The following MMS22L variants were observed in gnomAD, a reference collection of about 807,000 sequenced individuals.
MMS22L encodes MMS22 like, DNA repair protein.
Under a neutral mutation model 159.1 loss-of-function variants are expected in MMS22L, and 74 were observed. The observed-to-expected ratio is 0.47, with a 90% CI of 0.39 to 0.56. The LOEUF (loss-of-function observed/expected upper bound fraction) is 0.56, where lower values mean the gene tolerates loss of function less well. Among genes scored for constraint, MMS22L ranks in the 20% least tolerant of loss-of-function variants. The pLI is 0.00. For synonymous variants in MMS22L, 517 were observed against 506.9 expected (o/e 1.02, Z -0.27); for missense variants, 1,351 against 1,422.1 (o/e 0.95, Z 0.80).
At chr6:97,159,948 G>GTTTTTTTTTTTTTTTTT (rs368455553) in intron 22 of MMS22L, among the ~76,000 whole-genome samples, 1 of 97,178 alleles carries the variant, frequency 1.0e-5, no homozygotes, top group African/African-American at 4.0e-5. Context: ...TATCATTTCT[G>GTTTTTTTTTTTTTTTTT]TTTTTTTTTT....
chr6:97,229,356 A>G lies in MMS22L; in HGVS notation c.1577T>C (p.Val526Ala), dbSNP rs779730351. Residue 526 changes from valine to alanine, a missense_variant, in exon 14 of 25, where the codon GTT becomes GCT. Val to Ala is a moderately conservative substitution (Grantham distance 64). Coordinates refer to ENST00000683635, the MANE Select transcript of MMS22L (RefSeq NM_001350599.2). ...HQKRMEELTE[V>A]GLQNFFSLFL... ...AAGGCTAAAAAAGTTCTGTAGACCAACTTCAGTTAGTTCTTCCATTCTTTT... is the reference window on the plus strand; with the variant it reads ...AAGGCTAAAAAAGTTCTGTAGACCAGCTTCAGTTAGTTCTTCCATTCTTTT... 1.2e-6 allele frequency: 2 copies of G among 1,602,036 alleles called. No homozygotes were observed. Among genetic ancestry groups the G allele is most frequent in the South Asian group, 1.1e-5 (1 of 89,484 alleles).
At chr6:97,215,116 T>TATATATATA (rs1410024960) in intron 14 of MMS22L, among the ~76,000 whole-genome samples, 7 of 132,070 alleles carry the variant, frequency 5.3e-5, no homozygotes, top group African/African-American at 1.9e-4. Flanking sequence ...ATATATATAT[T>TATATATATA]TTTTTTTTGC....
chr6:97,221,031 A>G (rs1403674439), intron 14 of MMS22L, among the ~76,000 whole-genome samples: 2 of 151,920 alleles, frequency 1.3e-5, no homozygotes, highest in Non-Finnish European at 2.9e-5. Flanking sequence ...GGCATAAAGC[A>G]TAACGAAGAA....
chr6:97,210,261 A>G (rs1808235088), intron 14 of MMS22L, among the ~76,000 whole-genome samples: 1 of 151,970 alleles, frequency 6.6e-6, no homozygotes, highest in Non-Finnish European at 1.5e-5. Context: ...AAGGAGATAT[A>G]AAAAGTGCTT....
At chr6:97,153,805 C>A (rs1040773443) in intron 22 of MMS22L, among the ~76,000 whole-genome samples, 5 of 152,074 alleles carry the variant, frequency 3.3e-5, no homozygotes, top group Non-Finnish European at 7.4e-5. Flanking sequence ...GTACTTCATG[C>A]TTTTTTATAG....
chr6:97,162,679 A>T (rs557376433), intron 21 of MMS22L, among the ~76,000 whole-genome samples: 1 of 152,158 alleles, frequency 6.6e-6, no homozygotes, highest in South Asian at 2.1e-4. Flanking sequence ...TCCTTCCTCC[A>T]GCAAGTTAAA....
chr6:97,181,884 C>T lies in MMS22L; in HGVS notation c.2384+20G>A. The T allele has an allele frequency of 1.2e-6, 2 of 1,604,258 alleles. No homozygotes were observed. Among genetic ancestry groups the T allele is most frequent in the Non-Finnish European group, 8.5e-7 (1 of 1,175,856 alleles). On this transcript the variant is annotated intron_variant, in intron 16 of 24. Transcript: ENST00000683635. ...TCACAGGTTTGCATTAATGTGTATG[C>T]CTGAAATAAAAGCACGTACCTATTT...
chr6:97,208,950 A>C (rs1475983309), intron 14 of MMS22L, among the ~76,000 whole-genome samples: 1 of 151,704 alleles, frequency 6.6e-6, no homozygotes, highest in East Asian at 1.9e-4. Flanking sequence ...CTGTTTTAGC[A>C]TTTTTTTCCT....
intron 14 of MMS22L, among the ~76,000 whole-genome samples, chr6:97,222,644 T>C (rs1039956574): frequency 4.6e-5 from 7 of 152,052 alleles, no homozygotes; most frequent in Non-Finnish European, 7.4e-5. Context: ...CAAATGGTAT[T>C]TTCAGATGCC....
At chr6:97,231,749 C>G (rs1810897748) in intron 12 of MMS22L, 97 bp from the exon 13 acceptor site, 1 of 799,100 alleles carries the variant, frequency 1.3e-6, no homozygotes, top group African/African-American at 1.8e-5. Context: ...CATCAAAAGT[C>G]TGACTCATCT....
intron 20 of MMS22L, 99 bp from the exon 21 acceptor site, chr6:97,165,556 G>T: frequency 1.0e-6 from 1 of 955,972 alleles, no homozygotes; most frequent in Non-Finnish European, 1.5e-6. Flanking sequence ...TAATAATCAT[G>T]TGAGAATATA....
intron 22 of MMS22L, among the ~76,000 whole-genome samples, chr6:97,160,193 A>G (rs1183566624): frequency 6.6e-6 from 1 of 152,002 alleles, no homozygotes; most frequent in Non-Finnish European, 1.5e-5. Context: ...GATAATCTTT[A>G]CTAGAATTCT....
chr6:97,148,086 T>G (rs780972547), intron 24 of MMS22L, among the ~76,000 whole-genome samples: 3 of 152,118 alleles, frequency 2.0e-5, no homozygotes, highest in Non-Finnish European at 2.9e-5. Context: ...CCATTAAGAT[T>G]ATAATGGTAC....
chr6:97,173,114 A>T lies in MMS22L; in HGVS notation c.2788T>A (p.Leu930Met). 6.2e-7 allele frequency: 1 copy of T among 1,613,396 alleles called. No individual in the cohort carries two copies. Among genetic ancestry groups the T allele is most frequent in the Non-Finnish European group, 8.5e-7 (1 of 1,179,718 alleles). The change falls in exon 19 of 25, where the codon TTG becomes ATG. Residue 930 changes from leucine to methionine, a missense_variant. Physicochemically the swap from Leu to Met is conservative, Grantham distance 15. Coordinates refer to ENST00000683635, the MANE Select transcript of MMS22L (RefSeq NM_001350599.2). ...CCTGCACTGAAAACTTTTTTTCCCA[A>T]ATAAGGCTTAATATATTTTAATACT... ...GEVLKYIKPY[L>M]GKKVFSAGLQ...
Position 97,165,351 on chromosome 6 carries a change from G to A in MMS22L, c.3116C>T (p.Pro1039Leu). The change falls in exon 21 of 25, where the codon CCA (proline) becomes CTA (leucine). Residue 1039 changes from proline to leucine, a missense_variant. Coordinates refer to ENST00000683635, the MANE Select transcript of MMS22L (RefSeq NM_001350599.2). ...ATGTTGTCCAAGATCTGAAACATAT[G>A]GTGAAGCTGGAAGAAATCGCCCAAT... ...QYIGRFLPAS[P>L]YVSDLGQHPV... The A allele has an allele frequency of 6.2e-7, 1 of 1,613,322 alleles. No individual in the cohort carries two copies. The highest frequency in any genetic ancestry group is 8.5e-7 in the Non-Finnish European group (1 of 1,179,612).
At chr6:97,220,027 C>G (rs1202116731) in intron 14 of MMS22L, among the ~76,000 whole-genome samples, 1 of 152,166 alleles carries the variant, frequency 6.6e-6, no homozygotes, top group East Asian at 1.9e-4. Flanking sequence ...TCCATTCCCC[C>G]AACTTAACCT....
At chr6:97,215,110 A>AT (rs1320285381) in intron 14 of MMS22L, among the ~76,000 whole-genome samples, 5 of 81,876 alleles carry the variant, frequency 6.1e-5, no homozygotes, top group Admixed American at 2.2e-4. Context: ...ATATATATAT[A>AT]TATATTTTTT....
chr6:97,152,702 G>A (rs1801433760), intron 22 of MMS22L, among the ~76,000 whole-genome samples: 1 of 151,786 alleles, frequency 6.6e-6, no homozygotes, highest in Non-Finnish European at 1.5e-5. Flanking sequence ...TGAGGCTCGT[G>A]GCTAAGGAAC....
rs757553199 is a variant in MMS22L, at chr6:97,149,867, C to A, written c.3636G>T (p.Arg1212Ser). The A allele has an allele frequency of 1.9e-6, 3 of 1,610,908 alleles. No individual in the cohort carries two copies. Among genetic ancestry groups the A allele is most frequent in the South Asian group, 2.2e-5 (2 of 90,470 alleles). ...ATCAAACATACCTTTGTGCTATATT[C>A]CTGCCAAGGCCCCATTTCTGCTCTG... ...KDSEQKWGLG[R>S]NIAQREAYSK... Residue 1212 changes from arginine to serine, a missense_variant, in exon 24 of 25, where the codon AGG becomes AGT. Arg to Ser is a moderately radical substitution (Grantham distance 110, BLOSUM62 -1). Coordinates refer to ENST00000683635, the MANE Select transcript of MMS22L (RefSeq NM_001350599.2).
Sources: allele counts gnomAD v4.1 joint callset (sites outside exome capture counted in the v4.1 genomes callset), GRCh38; gene constraint gnomAD v4.1.1; transcripts MANE v1.5; gene names NCBI Gene and HGNC (gene_info 2026-07-23, HGNC 2026-07-21).